The following PIP4K2A variants were observed in gnomAD, a reference collection of about 807,000 sequenced individuals.
PIP4K2A encodes phosphatidylinositol 5-phosphate 4-kinase type-2 alpha.
PIP4K2A carries 14 observed loss-of-function variants against 42.9 expected under a neutral mutation model. The ratio of observed to expected loss-of-function variants is 0.33; its 90% confidence interval spans 0.22 to 0.51. PIP4K2A has a LOEUF of 0.51. PIP4K2A is among the 20% of genes least tolerant of loss of function. The pLI, the probability that PIP4K2A is intolerant of heterozygous loss-of-function variation, is 0.97. For synonymous variants in PIP4K2A, 192 were observed against 192.2 expected (o/e 1.00, Z 0.01); for missense variants, 434 against 519.8 (o/e 0.83, Z 1.61).
chr10:22,664,131 A>ATATATATATACG (rs1839283308), intron 1 of PIP4K2A, among the ~76,000 whole-genome samples: 1 of 52,534 alleles, frequency 1.9e-5, no homozygotes, highest in Non-Finnish European at 3.0e-5. Flanking sequence ...ATATATATAC[A>ATATATATATACG]TATATATATA....
In PIP4K2A at chr10:22,609,628, A is replaced by G; in HGVS notation, c.234T>C (p.Leu78=). The change falls in exon 2 of 10, where the codon CTT becomes CTC. Residue 78 remains leucine (L), a synonymous_variant. Coordinates refer to ENST00000376573, the MANE Select transcript of PIP4K2A (RefSeq NM_005028.5). ...GTCATACTTGTACTTACTTGTTAAA[A>G]AGGTGATTGTCCACCTTTATTTTTG... ...AYSKIKVDNH[L]FNKENMPSHF... The G allele has an allele frequency of 1.3e-6, 2 of 1,572,390 alleles. No individual in the cohort carries two copies. The highest frequency in any genetic ancestry group is 1.8e-6 in the Non-Finnish European group (2 of 1,142,530).
At chr10:22,689,526 T>C (rs576985546) in intron 1 of PIP4K2A, among the ~76,000 whole-genome samples, 11 of 152,188 alleles carry the variant, frequency 7.2e-5, no homozygotes, top group Non-Finnish European at 1.5e-4. Context: ...TTAAGTACTA[T>C]AATCTAGAGA....
intron 1 of PIP4K2A, among the ~76,000 whole-genome samples, chr10:22,690,462 T>C (rs1839843654): frequency 6.6e-6 from 1 of 152,376 alleles, no homozygotes; most frequent in East Asian, 1.9e-4. Flanking sequence ...TTATTTGCCA[T>C]CTTAATGTGT....
At chr10:22,565,823 A>T (rs1470952082) in intron 6 of PIP4K2A, among the ~76,000 whole-genome samples, 1 of 66,334 alleles carries the variant, frequency 1.5e-5, no homozygotes, top group African/African-American at 5.1e-5. Flanking sequence ...GCCTGGAGAT[A>T]CAGGCTTATA....
chr10:22,613,411 A>G (rs1419291956), intron 1 of PIP4K2A, among the ~76,000 whole-genome samples: 1 of 152,154 alleles, frequency 6.6e-6, no homozygotes. Flanking sequence ...GGATTCAGGC[A>G]TGCAGGAAGG....
chr10:22,556,467 G>C (rs146507787), intron 6 of PIP4K2A, among the ~76,000 whole-genome samples: 99 of 152,244 alleles, frequency 6.5e-4, no homozygotes, highest in African/African-American at 2.2e-3. Flanking sequence ...AATTCCTGAA[G>C]TAATAAAGAA....
chr10:22,679,328 G>A (rs1380999679), intron 1 of PIP4K2A, among the ~76,000 whole-genome samples: 3 of 152,116 alleles, frequency 2.0e-5, no homozygotes, highest in African/African-American at 7.2e-5. Flanking sequence ...AATATCATCA[G>A]TCCTTTGGAA....
intron 1 of PIP4K2A, among the ~76,000 whole-genome samples, chr10:22,635,064 T>C (rs373708225): frequency 6.6e-6 from 1 of 152,016 alleles, no homozygotes; most frequent in African/African-American, 2.4e-5. Flanking sequence ...GAGGTGAGTA[T>C]GAGAAGTGCA....
rs182848952 is a variant in PIP4K2A at position 22,619,561 on chromosome 10, C to G, written c.145-9844G>C. 1.7e-3 allele frequency among the ~76,000 whole-genome samples: 263 copies of G among 151,856 alleles called. 3 individuals carry two copies. Among genetic ancestry groups the G allele is most frequent in the African/African-American group, 5.8e-3 (239 of 41,312 alleles). ...AAGCAATTCTCCTGTCTCAGCCTCC[C>G]GAGTAGCTGGGACTACAGGTGGGCG... On this transcript the variant is annotated intron_variant, in intron 1 of 9. Transcript: ENST00000376573.
chr10:22,559,871 CAA>C (rs1836642033), intron 6 of PIP4K2A, among the ~76,000 whole-genome samples: 1 of 152,180 alleles, frequency 6.6e-6, no homozygotes, highest in South Asian at 2.1e-4. Flanking sequence ...CAAACGAGGA[CAA>C]AGTCAGATGA....
chr10:22,566,379 C>G (rs969890673), intron 6 of PIP4K2A, among the ~76,000 whole-genome samples: 1 of 152,152 alleles, frequency 6.6e-6, no homozygotes, highest in African/African-American at 2.4e-5. Flanking sequence ...CCTCCTCCTG[C>G]TCTTGTTTGC....
At chr10:22,614,493 G>C (rs1838130084) in intron 1 of PIP4K2A, among the ~76,000 whole-genome samples, 1 of 152,050 alleles carries the variant, frequency 6.6e-6, no homozygotes, top group South Asian at 2.1e-4. Context: ...ATTGCTTTTG[G>C]CTTTATTTCC....
At chr10:22,693,749 C>T (rs898288632) in intron 1 of PIP4K2A, among the ~76,000 whole-genome samples, 2 of 152,166 alleles carry the variant, frequency 1.3e-5, no homozygotes, top group Admixed American at 6.5e-5. Context: ...CTGGTCCTCG[C>T]TCTATCACTG....
At chr10:22,617,348 G>T (rs1407978708) in intron 1 of PIP4K2A, among the ~76,000 whole-genome samples, 3 of 152,184 alleles carry the variant, frequency 2.0e-5, no homozygotes, top group Non-Finnish European at 4.4e-5. Flanking sequence ...CGGCATACAG[G>T]GGTGTCCCCA....
chr10:22,670,266 C>A (rs1321424702), intron 1 of PIP4K2A, among the ~76,000 whole-genome samples: 1 of 152,086 alleles, frequency 6.6e-6, no homozygotes. Flanking sequence ...GTAGTCCCAC[C>A]TACTTGGGAG....
chr10:22,560,802 G>T (rs1363615978), intron 6 of PIP4K2A, among the ~76,000 whole-genome samples: 1 of 152,198 alleles, frequency 6.6e-6, no homozygotes, highest in Non-Finnish European at 1.5e-5. Flanking sequence ...AACTGTGCAG[G>T]ATGATGAACA....
At chr10:22,620,625 G>C (rs1174122953) in intron 1 of PIP4K2A, among the ~76,000 whole-genome samples, 1 of 152,204 alleles carries the variant, frequency 6.6e-6, no homozygotes, top group Non-Finnish European at 1.5e-5. Context: ...TACAAATTTG[G>C]ATTTCTGGCT....
chr10:22,571,855 A>T (rs1185425092), intron 5 of PIP4K2A, among the ~76,000 whole-genome samples: 1 of 152,254 alleles, frequency 6.6e-6, no homozygotes, highest in Non-Finnish European at 1.5e-5. Context: ...ATCAGACAGG[A>T]CATTCCAACT....
At chr10:22,581,875 G>T (rs1162558505) in intron 4 of PIP4K2A, among the ~76,000 whole-genome samples, 2 of 152,122 alleles carry the variant, frequency 1.3e-5, no homozygotes, top group African/African-American at 4.8e-5. Flanking sequence ...GCACTGGGAG[G>T]TTGAGGCAGG....
Sources: gnomAD v4.1 joint callset for allele counts (sites outside exome capture counted in the v4.1 genomes callset) on GRCh38, gnomAD v4.1.1 for gene constraint, MANE v1.5 for transcripts, NCBI Gene and HGNC (gene_info 2026-07-23, HGNC 2026-07-21) for gene names.